The following FDXACB1 variants were observed in gnomAD, a reference collection of about 807,000 sequenced individuals.
FDXACB1 encodes ferredoxin-fold anticodon binding domain containing 1.
In FDXACB1, 41 loss-of-function variants were observed where a neutral mutation model predicts 51.7. The ratio of observed to expected loss-of-function variants is 0.79; its 90% confidence interval spans 0.62 to 1.03. FDXACB1 has a LOEUF of 1.03. Ranked by LOEUF, FDXACB1 falls within the 50% of genes least tolerant of loss-of-function variation. The pLI, the probability that FDXACB1 is intolerant of heterozygous loss-of-function variation, is 0.00. For missense variants in FDXACB1, 697 were observed against 746.4 expected (o/e 0.93, Z 0.77); for synonymous variants, 273 against 278.6 (o/e 0.98, Z 0.20).
rs781134257 is a variant in FDXACB1, at chr11:111,877,031, CACTA to C, written c.330-24_330-21del. On this transcript the variant is annotated intron_variant, in intron 2 of 4. Transcript: ENST00000260257. ...GCACAGCTAATAGGGAGAAAAGAAA[CACTA>C]ACTAATTATCATAAACAAGCAGAAA... 18 of 1,555,638 alleles carry C rather than the reference CACTA, an allele frequency of 1.2e-5. No homozygotes were observed. The highest frequency in any genetic ancestry group is 3.6e-5 in the South Asian group (3 of 84,432).
intron 2 of FDXACB1, among the ~76,000 whole-genome samples, chr11:111,878,354 C>A (rs1555162515): frequency 6.6e-6 from 1 of 152,088 alleles, no homozygotes; most frequent in Non-Finnish European, 1.5e-5. Flanking sequence ...TTTTACACAC[C>A]CAAGAGTACA....
chr11:111,878,351 C>A (rs1555162514), intron 2 of FDXACB1, among the ~76,000 whole-genome samples: 1 of 152,188 alleles, frequency 6.6e-6, no homozygotes, highest in Non-Finnish European at 1.5e-5. Flanking sequence ...CTCTTTTACA[C>A]ACCCAAGAGT....
Position 111,874,763 on chromosome 11 carries a change from A to G in FDXACB1, c.*159T>C. The G allele has an allele frequency of 2.4e-6, 1 of 415,156 alleles. No homozygotes were observed. Among genetic ancestry groups the G allele is most frequent in the Non-Finnish European group, 3.9e-6 (1 of 254,046 alleles). 25.7% of individuals were successfully genotyped at this position (415,156 alleles called of 1,614,324 possible). A position where few individuals can be genotyped will look rare whatever the true frequency, so the allele number is the denominator to read the frequency against. On this transcript the variant is annotated 3_prime_UTR_variant, in exon 5 of 5. Transcript: ENST00000260257. ...GCGGCAGAGCAAGACTCCGTCTCAAAAAAAAAAAAAAAAAAAGATCAACGA... is the reference window on the plus strand; with the variant it reads ...GCGGCAGAGCAAGACTCCGTCTCAAGAAAAAAAAAAAAAAAAGATCAACGA...
At position 111,875,444 on chromosome 11, in the gene FDXACB1, A is replaced by G. The variant is rs1335574601; in HGVS notation, c.1353T>C (p.Arg451=). The change falls in exon 5 of 5, where the codon CGT becomes CGC. Residue 451 remains arginine (R), a synonymous_variant. Coordinates refer to ENST00000260257, the MANE Select transcript of FDXACB1 (RefSeq NM_138378.3). ...LQSNGKDYMI[R]VKTHNFSPDC... ...CTGGGCTAAAATTATGAGTCTTCACACGAATCATATAATCCTTTCCATTTG... is the reference window on the plus strand; with the variant it reads ...CTGGGCTAAAATTATGAGTCTTCACGCGAATCATATAATCCTTTCCATTTG... 23 of 1,613,260 alleles carry G rather than the reference A, an allele frequency of 1.4e-5. No individual in the cohort carries two copies. Among genetic ancestry groups the G allele is most frequent in the Non-Finnish European group, 1.8e-5 (21 of 1,179,842 alleles).
chr11:111,876,966 T>C lies in FDXACB1; in HGVS notation c.375A>G (p.Leu125=), dbSNP rs782710015. Residue 125 remains leucine, a synonymous_variant, in exon 3 of 5, where the codon TTA becomes TTG. Transcript: ENST00000260257. ...LAEEGEVHVA[L]CRGQGGTPAD... ...CAGGAGTTCCACCTTGTCCTCTACA[T>C]AATGCCACGTGGACTTCTCCTTCCT... The C allele has an allele frequency of 6.2e-7, 1 of 1,603,086 alleles. No individual in the cohort carries two copies. Among genetic ancestry groups the C allele is most frequent in the Admixed American group, 1.7e-5 (1 of 58,024 alleles).
Position 111,875,326 on chromosome 11 carries a change from A to G in FDXACB1, c.1471T>C (p.Leu491=). 2.5e-6 allele frequency: 4 copies of G among 1,613,986 alleles called. No homozygotes were observed. The highest frequency in any genetic ancestry group is 3.4e-6 in the Non-Finnish European group (4 of 1,179,890). Reference sequence around the variant, plus strand: ...CAGACAAGCATGGCTAATAAGTCCAAGTTCATAGACACAAACACAAAACAC... The same window carrying G: ...CAGACAAGCATGGCTAATAAGTCCAGGTTCATAGACACAAACACAAAACAC... ...DQCFVFVSMN[L]DLLAMLVWCI... is the part of the protein sequence containing the mutation. Residue 491 remains leucine (L), a synonymous_variant, in exon 5 of 5, where the codon TTG becomes CTG. Coordinates refer to ENST00000260257, the MANE Select transcript of FDXACB1 (RefSeq NM_138378.3).
intron 2 of FDXACB1, among the ~76,000 whole-genome samples, 153 bp downstream of exon 2, chr11:111,878,403 C>G (rs921120445): frequency 2.0e-5 from 3 of 152,134 alleles, no homozygotes; most frequent in Non-Finnish European, 2.9e-5. Context: ...GTTTATATAT[C>G]TGTCTTTCCA....
rs782162578 is a variant in FDXACB1 at position 111,875,688 on chromosome 11, T to C, written c.1109A>G (p.His370Arg). The change falls in exon 5 of 5, where the codon CAC becomes CGC. Residue 370 changes from histidine to arginine, a missense_variant. His to Arg is a conservative substitution (Grantham distance 29, BLOSUM62 0). Transcript: ENST00000260257. The stretch of plus-strand genomic sequence containing the variant: ...CTGAAAGACAGGTCCACTGAGGATG[T>C]GCAGAGAACCTGAGAGGAAGTCTGG... ...EVPDFLSGSL[H>R]ILSGPVFQKC... 10 of 1,613,612 alleles carry C rather than the reference T, an allele frequency of 6.2e-6. No individual in the cohort carries two copies. The highest frequency in any genetic ancestry group is 3.3e-5 in the Admixed American group (2 of 59,972).
chr11:111,874,827 A>G lies in FDXACB1; in HGVS notation c.*95T>C. 2 of 1,137,758 alleles carry G rather than the reference A, an allele frequency of 1.8e-6. No individual in the cohort carries two copies. Among genetic ancestry groups the G allele is most frequent in the Admixed American group, 5.6e-5 (2 of 35,662 alleles). 70.5% of individuals were successfully genotyped at this position (1,137,758 alleles called of 1,614,324 possible). ...TCACAAAGTAAAAGATTTTACAAAA[A>G]CAAAAATCCAGAAAGGACTACTGGT... On this transcript the variant is annotated 3_prime_UTR_variant, in exon 5 of 5. Coordinates refer to ENST00000260257, the MANE Select transcript of FDXACB1 (RefSeq NM_138378.3).
Position 111,878,941 on chromosome 11 carries a change from C to T in FDXACB1, c.172+20G>A, listed in dbSNP as rs782678102. 9.4e-6 allele frequency: 15 copies of T among 1,587,736 alleles called. No homozygotes were observed. The South Asian group carries it at 1.7e-4, about 18-fold the overall frequency. ...GCGCCGGCCGCTGGGCGGGGTTTCG[C>T]AGAGGGGCGGGCTCGCTACCTCGCT... On this transcript the variant is annotated intron_variant, in intron 1 of 4. Transcript: ENST00000260257.
chr11:111,877,631 C>G (rs781810016), intron 2 of FDXACB1, among the ~76,000 whole-genome samples: 1 of 151,432 alleles, frequency 6.6e-6, no homozygotes, highest in Non-Finnish European at 1.5e-5. Context: ...ATTCTCCTGC[C>G]TCAGCCTCCC....
At position 111,877,464 on chromosome 11, in the gene FDXACB1, G is replaced by A. The variant is rs533612547; in HGVS notation, c.330-453C>T. ...GTATCATGTCTTGTGGTATAATCAT[G>A]TAAAGCACTGTTTTCAGTTCACAAT... On this transcript the variant is annotated intron_variant, in intron 2 of 4. Coordinates refer to ENST00000260257, the MANE Select transcript of FDXACB1 (RefSeq NM_138378.3). Among the ~76,000 whole-genome samples, 7 of 149,726 alleles carry A rather than the reference G, an allele frequency of 4.7e-5. No individual in the cohort carries two copies. In the South Asian group the frequency reaches 1.5e-3, roughly 32 times the overall value.
chr11:111,876,764 G>T, intron 3 of FDXACB1, 44 bp downstream of exon 3: 2 of 1,600,984 alleles, frequency 1.2e-6, no homozygotes, highest in South Asian at 1.1e-5. Context: ...TCATTAGTGA[G>T]AGAGATGAAA....
In FDXACB1 at chr11:111,876,517, A is replaced by C. The variant is rs1964818809; in HGVS notation, c.656T>G (p.Phe219Cys). The change falls in exon 4 of 5, where the codon TTT becomes TGT. Residue 219 changes from phenylalanine (F) to cysteine (C), a missense_variant. Coordinates refer to ENST00000260257, the MANE Select transcript of FDXACB1 (RefSeq NM_138378.3). ...TCCTACAAGTGCTTCTGGTTCTGGA[A>C]AGGAAAACCACTGGTTACCCAGTTT... Reference protein sequence around the residue: ...RIKLGNQWFSFPEPEALVGKL... With the variant: ...RIKLGNQWFSCPEPEALVGKL... The C allele has an allele frequency of 6.2e-7, 1 of 1,613,740 alleles. No individual in the cohort carries two copies. Among genetic ancestry groups the C allele is most frequent in the African/African-American group, 1.3e-5 (1 of 74,940 alleles).
Position 111,879,005 on chromosome 11 carries a change from C to G in FDXACB1, c.128G>C (p.Arg43Pro). 1 of 1,612,344 alleles carries G rather than the reference C, an allele frequency of 6.2e-7. No homozygotes were observed. The highest frequency in any genetic ancestry group is 8.5e-7 in the Non-Finnish European group (1 of 1,179,362). The change falls in exon 1 of 5, where the codon CGG becomes CCG. Residue 43 changes from arginine to proline, a missense_variant. By Grantham distance (103) the Arg-to-Pro change is moderately radical. Coordinates refer to ENST00000260257, the MANE Select transcript of FDXACB1 (RefSeq NM_138378.3). ...TCLQRPAELA[R>P]DPLAWENLQC... ...CAGATTCTCCCAGGCCAGTGGATCC[C>G]GAGCCAACTCGGCCGGGCGCTGGAG... is the stretch of plus-strand genomic sequence containing the variant.
intron 2 of FDXACB1, among the ~76,000 whole-genome samples, chr11:111,878,092 CAGG>C (rs1964858299): frequency 1.3e-5 from 2 of 151,992 alleles, no homozygotes; most frequent in South Asian, 2.1e-4. Flanking sequence ...GAGGCTGAGG[CAGG>C]AGAATGGCGT....
rs782598258 is a variant in FDXACB1, at chr11:111,875,089, T to C, written c.1708A>G (p.Ile570Val). 3 of 1,613,944 alleles carry C rather than the reference T, an allele frequency of 1.9e-6. No individual in the cohort carries two copies. Among genetic ancestry groups the C allele is most frequent in the East Asian group, 4.5e-5 (2 of 44,888 alleles). Residue 570 changes from isoleucine to valine, a missense_variant, in exon 5 of 5, where the codon ATA becomes GTA. Transcript: ENST00000260257. Reference sequence around the variant, plus strand: ...TGCTGGAAACGGCTAAGAAACTGTATGGATATAATAGTGTCCTGAGACACT... The same window carrying C: ...TGCTGGAAACGGCTAAGAAACTGTACGGATATAATAGTGTCCTGAGACACT... ...RAVSQDTIIS[I>V]QFLSRFQHPK...
rs546027442 is a variant in FDXACB1 at position 111,877,097 on chromosome 11, T to G, written c.330-86A>C. ...GTTGGCAACATACACATGGTTTGCC[T>G]GTGAAATAATTAAAATCCAATCATA... is the stretch of plus-strand genomic sequence containing the variant. On this transcript the variant is annotated intron_variant, in intron 2 of 4. Transcript: ENST00000260257. 4.2e-5 allele frequency: 56 copies of G among 1,322,850 alleles called. No individual in the cohort carries two copies. The African/African-American group carries it at 7.7e-4, about 18-fold the overall frequency. The allele number at this position is 1,322,850 out of a possible 1,614,324, so 81.9% of individuals were successfully genotyped here. A position where few individuals can be genotyped will look rare whatever the true frequency, so the allele number is the denominator to read the frequency against.
At position 111,874,420 on chromosome 11, in the gene FDXACB1, A is replaced by C. The variant is rs372706355; in HGVS notation, c.*502T>G. The C allele has an allele frequency of 6.5e-6, 1 of 154,540 alleles. No individual in the cohort carries two copies. Among genetic ancestry groups the C allele is most frequent in the Non-Finnish European group, 1.4e-5 (1 of 69,596 alleles). 9.6% of individuals were successfully genotyped at this position (154,540 alleles called of 1,614,324 possible). ...AATGTCACCAATCACATTATAATCT[A>C]TAAGTTTCAGTAATAGAGTCAAGGT... On this transcript the variant is annotated 3_prime_UTR_variant, in exon 5 of 5. Transcript: ENST00000260257.
Sources: gnomAD v4.1 joint callset for allele counts (sites outside exome capture counted in the v4.1 genomes callset) on GRCh38, gnomAD v4.1.1 for gene constraint, MANE v1.5 for transcripts, NCBI Gene and HGNC (gene_info 2026-07-23, HGNC 2026-07-21) for gene names.